Variants in PRTG observed in about 807,000 individuals in gnomAD.
PRTG encodes immunoglobulin superfamily, DCC subclass, member 5.
In PRTG, 67 loss-of-function variants were observed where a neutral mutation model predicts 122.5. The ratio of observed to expected loss-of-function variants is 0.55; its 90% CI spans 0.45 to 0.67. PRTG has a LOEUF of 0.67. PRTG is among the 30% of genes least tolerant of loss of function. PRTG has a pLI of 0.00. For missense variants in PRTG, 1,435 were observed against 1,415.4 expected (o/e 1.01, Z -0.22); for synonymous variants, 554 against 501.1 (o/e 1.11, Z -1.41).
rs779141948 is a variant in PRTG at position 55,627,092 on chromosome 15, A to G, written c.2843T>C (p.Met948Thr). 29 of 1,608,804 alleles carry G rather than the reference A, an allele frequency of 1.8e-5. No homozygotes were observed. The highest frequency in any genetic ancestry group is 3.3e-4 in the Middle Eastern group (2 of 6,064). Reference sequence around the variant, plus strand: ...GCCAACACCTACAGCAATGCCAGTCATTGATTTTTGGTCCAGATGGTAATA... The same window carrying G: ...GCCAACACCTACAGCAATGCCAGTCGTTGATTTTTGGTCCAGATGGTAATA... The part of the protein sequence containing the change: ...SGYYHLDQKS[M>T]TGIAVGVGIA... Residue 948 changes from methionine to threonine, a missense_variant, in exon 17 of 20, where the codon ATG becomes ACG. Coordinates refer to ENST00000389286, the MANE Select transcript of PRTG (RefSeq NM_173814.6).
intron 15 of PRTG, 70 bp from the exon 16 acceptor site, chr15:55,629,074 C>T (rs1370665665): frequency 1.4e-5 from 14 of 994,918 alleles, no homozygotes; most frequent in Admixed American, 2.5e-5. Context: ...TATACAAACA[C>T]GTTCCTTTAT....
chr15:55,659,644 G>A (rs1050849539), intron 11 of PRTG, among the ~76,000 whole-genome samples: 3 of 152,108 alleles, frequency 2.0e-5, no homozygotes, highest in Non-Finnish European at 2.9e-5. Context: ...AACCTGATTA[G>A]GCCGGGCGCA....
At chr15:55,637,664 G>A (rs2059265446) in intron 14 of PRTG, among the ~76,000 whole-genome samples, 1 of 151,496 alleles carries the variant, frequency 6.6e-6, no homozygotes, top group Non-Finnish European at 1.5e-5. Context: ...TCAGATATTG[G>A]GTTTCACCCC....
chr15:55,724,152 T>C (rs1227332315), intron 2 of PRTG, among the ~76,000 whole-genome samples: 1 of 152,188 alleles, frequency 6.6e-6, no homozygotes, highest in Admixed American at 6.6e-5. Flanking sequence ...GTGTATTCTT[T>C]TGTTAGGTGG....
Position 55,683,814 on chromosome 15 carries a change from C to T in PRTG, c.515G>A (p.Arg172Gln), listed in dbSNP as rs769696696. 31 of 1,613,664 alleles carry T rather than the reference C, an allele frequency of 1.9e-5. No individual in the cohort carries two copies. The highest frequency in any genetic ancestry group is 2.2e-5 in the East Asian group (1 of 44,840). ...GTCCATAGTCATAGGTAGAGTTGTC[C>T]GATTGAACTCCCATGTTATGACTGC... is the stretch of plus-strand genomic sequence containing the variant. ...PPAVITWEFN[R>Q]TTLPMTMDRI... Residue 172 changes from arginine to glutamine, a missense_variant, in exon 3 of 20, where the codon CGG becomes CAG. Arg to Gln is a conservative substitution (Grantham distance 43). Coordinates refer to ENST00000389286, the MANE Select transcript of PRTG (RefSeq NM_173814.6).
At chr15:55,738,599 T>G (rs559101153) in intron 2 of PRTG, 3 of 687,218 alleles carry the variant, frequency 4.4e-6, no homozygotes, top group Middle Eastern at 2.3e-4. Context: ...CAAGTTTACA[T>G]TGGACAAAAA....
At chr15:55,626,941 T>G (rs12591646) in intron 17 of PRTG, 67 bp downstream of exon 17, 334,702 of 1,469,974 alleles carry the variant, frequency 0.23, 44,073 homozygotes, top group East Asian at 0.59. Context: ...TTGACTTTCA[T>G]TTGTTTCCTG....
At chr15:55,620,348 A>G in intron 19 of PRTG, 82 bp from the exon 20 acceptor site, 1 of 1,550,128 alleles carries the variant, frequency 6.5e-7, no homozygotes, top group Non-Finnish European at 8.7e-7. Context: ...CCCCACAGAC[A>G]GGTGGGAGCA....
At chr15:55,669,355 G>A (rs1341929370) in intron 11 of PRTG, among the ~76,000 whole-genome samples, 1 of 152,144 alleles carries the variant, frequency 6.6e-6, no homozygotes, top group Admixed American at 6.6e-5. Flanking sequence ...CTCAGTGAAA[G>A]CAAGTATTCA....
chr15:55,694,986 G>C (rs1159304949), intron 2 of PRTG, among the ~76,000 whole-genome samples: 1 of 152,100 alleles, frequency 6.6e-6, no homozygotes, highest in Non-Finnish European at 1.5e-5. Flanking sequence ...TATAAAATAG[G>C]CAAGAAACAA....
intron 11 of PRTG, among the ~76,000 whole-genome samples, chr15:55,643,730 G>C (rs1043079753): frequency 6.6e-6 from 1 of 151,880 alleles, no homozygotes; most frequent in Non-Finnish European, 1.5e-5. Context: ...GGCCTTCAAA[G>C]GTGTTAAGGA....
chr15:55,714,880 C>A (rs1037674909), intron 2 of PRTG, among the ~76,000 whole-genome samples: 1 of 151,936 alleles, frequency 6.6e-6, no homozygotes, highest in South Asian at 2.1e-4. Context: ...AATGGTAATC[C>A]CACAAGGAGG....
intron 2 of PRTG, among the ~76,000 whole-genome samples, chr15:55,693,614 A>C (rs1451883734): frequency 6.6e-6 from 1 of 152,218 alleles, no homozygotes; most frequent in Non-Finnish European, 1.5e-5. Context: ...TAAAATCCAT[A>C]CATCTGAGTT....
chr15:55,632,951 C>A (rs2059235944), intron 15 of PRTG, among the ~76,000 whole-genome samples: 2 of 152,098 alleles, frequency 1.3e-5, no homozygotes, highest in South Asian at 4.2e-4. Flanking sequence ...TATTGGTGGT[C>A]CAATTCATTT....
intron 2 of PRTG, among the ~76,000 whole-genome samples, chr15:55,712,049 G>C (rs1192282588): frequency 6.6e-6 from 1 of 152,172 alleles, no homozygotes; most frequent in Non-Finnish European, 1.5e-5. Context: ...AAATGATTCT[G>C]GAGCTAGGGC....
chr15:55,654,658 T>C (rs1253646128), intron 11 of PRTG, among the ~76,000 whole-genome samples: 2 of 152,222 alleles, frequency 1.3e-5, no homozygotes, highest in Non-Finnish European at 2.9e-5. Context: ...AGCTGCTCTG[T>C]CTGCCAACTC....
chr15:55,675,897 A>G (rs1411580941), intron 8 of PRTG, among the ~76,000 whole-genome samples: 1 of 152,162 alleles, frequency 6.6e-6, no homozygotes, highest in Non-Finnish European at 1.5e-5. Context: ...TGAATAAATC[A>G]AACTGAAAAG....
chr15:55,664,569 C>A (rs1444257732), intron 11 of PRTG, among the ~76,000 whole-genome samples: 1 of 152,148 alleles, frequency 6.6e-6, no homozygotes, highest in Non-Finnish European at 1.5e-5. Context: ...AAGTTCTAAT[C>A]TAAATTTAGA....
chr15:55,719,374 G>A (rs1322226506), intron 2 of PRTG, among the ~76,000 whole-genome samples: 1 of 152,156 alleles, frequency 6.6e-6, no homozygotes, highest in Non-Finnish European at 1.5e-5. Flanking sequence ...AATCTGAAAG[G>A]TTAGAATTCT....
Sources: allele counts gnomAD v4.1 joint callset (sites outside exome capture counted in the v4.1 genomes callset), GRCh38; gene constraint gnomAD v4.1.1; transcripts MANE v1.5; gene names NCBI Gene and HGNC (gene_info 2026-07-23, HGNC 2026-07-21).